The following CCDC7 variants were observed in gnomAD, a reference collection of about 807,000 sequenced individuals.
The protein encoded by CCDC7 is coiled-coil domain-containing protein 7.
Under a neutral mutation model 196.9 loss-of-function variants are expected in CCDC7, and 183 were observed. The observed-to-expected ratio is 0.93, with a 90% CI of 0.82 to 1.05. The LOEUF (loss-of-function observed/expected upper bound fraction) is 1.05. Among genes scored for constraint, CCDC7 ranks in the 50% least tolerant of loss-of-function variants. CCDC7 has a pLI of 0.00. For missense variants in CCDC7, 1,540 were observed against 1,482.2 expected, an observed-to-expected ratio of 1.04 and a Z score of -0.64; for synonymous variants, 525 against 484.6, an observed-to-expected ratio of 1.08 and a Z score of -1.10.
At chr10:32,748,793 G>C (rs192667253) in intron 28 of CCDC7, among the ~76,000 whole-genome samples, 2 of 152,208 alleles carry the variant, frequency 1.3e-5, no homozygotes, top group Admixed American at 6.5e-5. Flanking sequence ...AACCCTAGTC[G>C]GTTTGGCTCT....
Position 32,537,522 on chromosome 10 carries a change from T to G in CCDC7, c.994-5778T>G, listed in dbSNP as rs370683587. ...TTTGGATCTCATTTGTTAATTTTTG[T>G]TTTTGTCGAAATGGCTTTTGGCATC... is the stretch of plus-strand genomic sequence containing the variant. On this transcript the variant is annotated intron_variant, in intron 11 of 41. Coordinates refer to ENST00000639629, the Ensembl canonical transcript of CCDC7. 1.4e-3 allele frequency among the ~76,000 whole-genome samples: 212 copies of G among 152,254 alleles called. No homozygotes were observed. The Middle Eastern group carries it at 0.024, about 17-fold the overall frequency.
At chr10:32,772,375 C>G (rs969013415) in intron 28 of CCDC7, among the ~76,000 whole-genome samples, 1 of 152,230 alleles carries the variant, frequency 6.6e-6, no homozygotes, top group South Asian at 2.1e-4. Flanking sequence ...AATCAGAACT[C>G]ACAGCTACTG....
At chr10:32,615,358 A>G (rs1264642533) in intron 18 of CCDC7, among the ~76,000 whole-genome samples, 3 of 152,126 alleles carry the variant, frequency 2.0e-5, no homozygotes, top group Non-Finnish European at 4.4e-5. Flanking sequence ...TGACTTTTTA[A>G]TAACAGCCAT....
At chr10:32,633,550 C>T (rs567878777) in intron 18 of CCDC7, among the ~76,000 whole-genome samples, 1 of 152,078 alleles carries the variant, frequency 6.6e-6, no homozygotes, top group African/African-American at 2.4e-5. Flanking sequence ...ACTCTCTTGA[C>T]CAAGACTGAG....
intron 41 of CCDC7, among the ~76,000 whole-genome samples, chr10:32,868,229 G>A (rs771941660): frequency 6.6e-5 from 10 of 151,762 alleles, no homozygotes; most frequent in Non-Finnish European, 1.3e-4. Flanking sequence ...TATAAAAACG[G>A]GTGTACAAAT....
chr10:32,846,749 T>C lies in CCDC7; in HGVS notation c.3688+290T>C, dbSNP rs1034830308. On this transcript the variant is annotated intron_variant, in intron 37 of 41. Coordinates refer to ENST00000639629, the Ensembl canonical transcript of CCDC7. ...TCCAAAGCTATTCTACTTACTTTTGTTTCTGAAAAGTGATATTTAATTAGC... is the reference window on the plus strand; with the variant it reads ...TCCAAAGCTATTCTACTTACTTTTGCTTCTGAAAAGTGATATTTAATTAGC... Among the ~76,000 whole-genome samples the C allele has an allele frequency of 5.9e-5, 9 of 152,310 alleles. No individual in the cohort carries two copies. The South Asian group carries it at 1.9e-3, about 32-fold the overall frequency.
intron 28 of CCDC7, among the ~76,000 whole-genome samples, chr10:32,732,743 C>G: frequency 6.6e-6 from 1 of 152,072 alleles, no homozygotes; most frequent in East Asian, 1.9e-4. Flanking sequence ...CATATACCAC[C>G]TTCCCCCACC....
intron 5 of CCDC7, among the ~76,000 whole-genome samples, chr10:32,465,440 A>C (rs1343095102): frequency 4.6e-5 from 2 of 43,014 alleles, no homozygotes; most frequent in Admixed American, 9.1e-4. Flanking sequence ...AATTAAACAG[A>C]CTTTTTTTTT....
In CCDC7 at chr10:32,830,232, G is replaced by A. The variant is rs372720972; in HGVS notation, c.3269-4583G>A. Among the ~76,000 whole-genome samples, 3 of 145,958 alleles carry A rather than the reference G, an allele frequency of 2.1e-5. No homozygotes were observed. The East Asian group carries it at 6.0e-4, about 29-fold the overall frequency. On this transcript the variant is annotated intron_variant, in intron 32 of 41. Coordinates refer to ENST00000639629, the Ensembl canonical transcript of CCDC7. ...ATAACATTAGAAGCTTCATGTTGCA[G>A]GAGAAGACTTCAGTAAAATAGAAAA...
chr10:32,567,555 TA>T, intron 14 of CCDC7, 114 bp from the exon 16 acceptor site: 1 of 1,236,326 alleles, frequency 8.1e-7, no homozygotes. Context: ...TTCAACTCAG[TA>T]AAAATGAGTT....
chr10:32,495,947 G>C (rs777520256), intron 9 of CCDC7, among the ~76,000 whole-genome samples: 9 of 152,128 alleles, frequency 5.9e-5, no homozygotes, highest in Non-Finnish European at 1.3e-4. Context: ...ATAGTAGCTT[G>C]ATGGGGATGG....
At chr10:32,816,504 G>A (rs566672386) in intron 31 of CCDC7, among the ~76,000 whole-genome samples, 3 of 152,298 alleles carry the variant, frequency 2.0e-5, no homozygotes, top group South Asian at 4.1e-4. Context: ...CTCCTAGCAC[G>A]CAGCTGGAGA....
At chr10:32,583,972 C>T (rs558897646) in intron 17 of CCDC7, among the ~76,000 whole-genome samples, 28 of 152,012 alleles carry the variant, frequency 1.8e-4, no homozygotes, top group Non-Finnish European at 3.2e-4. Flanking sequence ...GAACTATTTG[C>T]GAGGGAAAAA....
rs902475196 is a variant in CCDC7, at chr10:32,567,921, G to A, written c.1419+30G>A. On this transcript the variant is annotated intron_variant, in intron 15 of 41. Coordinates refer to ENST00000639629, the Ensembl canonical transcript of CCDC7. ...GGAAATAACCAAAATGGAGACAGTAGTATATGTTGTGAGAAATTTGTCTTT... is the reference window on the plus strand; with the variant it reads ...GGAAATAACCAAAATGGAGACAGTAATATATGTTGTGAGAAATTTGTCTTT... 6.5e-6 allele frequency: 10 copies of A among 1,546,950 alleles called. No individual in the cohort carries two copies. The African/African-American group carries it at 7.0e-5, about 11-fold the overall frequency.
intron 5 of CCDC7, among the ~76,000 whole-genome samples, chr10:32,467,126 A>T: frequency 6.7e-6 from 1 of 150,008 alleles, no homozygotes; most frequent in Non-Finnish European, 1.5e-5. Flanking sequence ...TTTTTGAGAC[A>T]GAGTCTTGCT....
intron 21 of CCDC7, among the ~76,000 whole-genome samples, chr10:32,685,230 C>T (rs1473746156): frequency 7.0e-6 from 1 of 141,858 alleles, no homozygotes; most frequent in Admixed American, 7.2e-5. Context: ...TTTCACTTAA[C>T]ATTATCTCCT....
At chr10:32,880,884 C>G (rs965037687), downstream of CCDC7, among the ~76,000 whole-genome samples, 1 of 152,088 alleles carries the variant, frequency 6.6e-6, no homozygotes. Context: ...TATTCTGTTC[C>G]ATTGGTCTAT....
intron 28 of CCDC7, among the ~76,000 whole-genome samples, chr10:32,747,579 A>C (rs1281560830): frequency 6.6e-6 from 1 of 152,218 alleles, no homozygotes; most frequent in Non-Finnish European, 1.5e-5. Context: ...AAAAGAACAC[A>C]TACATGCGGC....
intron 16 of CCDC7, among the ~76,000 whole-genome samples, chr10:32,573,828 C>A (rs1248252396): frequency 6.6e-6 from 1 of 152,072 alleles, no homozygotes; most frequent in East Asian, 1.9e-4. Flanking sequence ...ACTGACTGAG[C>A]ATCTATGCTG....
Sources: gnomAD v4.1 joint callset for allele counts (sites outside exome capture counted in the v4.1 genomes callset) on GRCh38, gnomAD v4.1.1 for gene constraint, MANE v1.5 for transcripts, NCBI Gene and HGNC (gene_info 2026-07-23, HGNC 2026-07-21) for gene names.